Variants in DCAF10 observed in about 807,000 individuals in gnomAD.
DCAF10 encodes DDB1- and CUL4-associated factor 10.
In DCAF10, 19 loss-of-function variants were observed where a neutral mutation model predicts 51.9. The ratio of observed to expected loss-of-function variants is 0.37; its 90% CI spans 0.26 to 0.54. DCAF10 has a LOEUF of 0.54. Among genes scored for constraint, DCAF10 ranks in the 20% least tolerant of loss-of-function variants. The pLI, the probability that DCAF10 is intolerant of heterozygous loss-of-function variation, is 0.87. For missense variants in DCAF10, 510 were observed against 730.6 expected, an observed-to-expected ratio of 0.70 and a Z score of 3.48; for synonymous variants, 291 against 297.1, an observed-to-expected ratio of 0.98 and a Z score of 0.21.
chr9:37,834,404 C>A (rs528691705), intron 2 of DCAF10, among the ~76,000 whole-genome samples: 4 of 152,208 alleles, frequency 2.6e-5, no homozygotes, highest in African/African-American at 9.6e-5. Context: ...TTATATTTTT[C>A]TATATTTTTG....
intron 2 of DCAF10, among the ~76,000 whole-genome samples, chr9:37,830,012 AAAG>A (rs1829962307): frequency 6.6e-6 from 1 of 152,148 alleles, no homozygotes; most frequent in Non-Finnish European, 1.5e-5. Context: ...CTTAAAGAAT[AAAG>A]AAGAAGAAGA....
chr9:37,808,642 A>ATAAATATAT (rs1829213439), intron 1 of DCAF10, among the ~76,000 whole-genome samples: 1 of 99,832 alleles, frequency 1.0e-5, no homozygotes, highest in African/African-American at 4.2e-5. Context: ...TAATATAAAA[A>ATAAATATAT]TATATAATAT....
chr9:37,826,167 T>G (rs961029336), intron 2 of DCAF10, among the ~76,000 whole-genome samples: 1 of 150,832 alleles, frequency 6.6e-6, no homozygotes. Context: ...AAGGGATTAA[T>G]GCCCAGAATA....
At chr9:37,822,054 A>G (rs1829718814) in intron 2 of DCAF10, among the ~76,000 whole-genome samples, 1 of 152,222 alleles carries the variant, frequency 6.6e-6, no homozygotes, top group African/African-American at 2.4e-5. Flanking sequence ...ATGCAAATCA[A>G]AACCATAATG....
intron 1 of DCAF10, among the ~76,000 whole-genome samples, chr9:37,814,972 T>C (rs1829481803): frequency 6.6e-6 from 1 of 152,060 alleles, no homozygotes. Flanking sequence ...AAACAAAATA[T>C]TAGCCAACTG....
At position 37,852,131 on chromosome 9, in the gene DCAF10, G is replaced by C. The variant is rs990858117; in HGVS notation, c.852-2649G>C. On this transcript the variant is annotated intron_variant, in intron 3 of 6. Coordinates refer to ENST00000377724, the MANE Select transcript of DCAF10 (RefSeq NM_024345.5). ...GAAATTGCAGTACTCTAAAGACAGA[G>C]AGAAGATTCACCAGAGGGGGGAAAA... is the stretch of plus-strand genomic sequence containing the variant. 1.4e-4 allele frequency among the ~76,000 whole-genome samples: 21 copies of C among 152,064 alleles called. 1 individual carries two copies. The highest frequency in any genetic ancestry group is 5.1e-4 in the African/African-American group (21 of 41,420).
chr9:37,838,822 T>C (rs1279137387), intron 2 of DCAF10, among the ~76,000 whole-genome samples: 1 of 150,568 alleles, frequency 6.6e-6, no homozygotes, highest in Admixed American at 6.6e-5. Context: ...ATGTAGGAGG[T>C]AGAGGTTGCA....
rs77156731 is a variant in DCAF10 at position 37,807,773 on chromosome 9, C to T, written c.539+6368C>T. On this transcript the variant is annotated intron_variant, in intron 1 of 6. Coordinates refer to ENST00000377724, the MANE Select transcript of DCAF10 (RefSeq NM_024345.5). ...CAGCTCCCAGGTTCAAGCAATTCTC[C>T]TGCCTCAGCCTCCCAAGTAGCCGGG... 4.0e-5 allele frequency among the ~76,000 whole-genome samples: 6 copies of T among 150,264 alleles called. No individual in the cohort carries two copies. The East Asian group carries it at 1.2e-3, about 30-fold the overall frequency.
chr9:37,848,745 G>A (rs996589695), intron 3 of DCAF10, among the ~76,000 whole-genome samples: 27 of 152,092 alleles, frequency 1.8e-4, no homozygotes, highest in African/African-American at 5.8e-4. Context: ...GCCGAGGGAG[G>A]GTGGATCACC....
At chr9:37,800,788 G>A (rs1411965572), upstream of DCAF10, 5 of 1,516,512 alleles carry the variant, frequency 3.3e-6, no homozygotes, top group Non-Finnish European at 4.4e-6. Flanking sequence ...GCTGCACGCC[G>A]GAAGTGGCAG....
intron 2 of DCAF10, among the ~76,000 whole-genome samples, chr9:37,830,296 C>T: frequency 6.6e-6 from 1 of 152,152 alleles, no homozygotes; most frequent in East Asian, 1.9e-4. Context: ...ATACCATTTA[C>T]ATAAAATTTG....
At chr9:37,855,407 T>C (rs1478430804) in intron 4 of DCAF10, among the ~76,000 whole-genome samples, 1 of 152,238 alleles carries the variant, frequency 6.6e-6, no homozygotes, top group East Asian at 1.9e-4. Flanking sequence ...GACTTACAGA[T>C]GTCCAGACAC....
intron 5 of DCAF10, among the ~76,000 whole-genome samples, chr9:37,857,681 G>A (rs1554690724): frequency 1.2e-4 from 18 of 152,310 alleles, no homozygotes; most frequent in Non-Finnish European, 5.9e-5. Context: ...TGAAAGCTCT[G>A]TATAAATATA....
intron 4 of DCAF10, 84 bp downstream of exon 4, chr9:37,855,066 T>A (rs904980969): frequency 3.0e-6 from 4 of 1,325,914 alleles, no homozygotes; most frequent in Non-Finnish European, 4.1e-6. Context: ...CTGAAAATGA[T>A]AGCAGGAAAA....
At chr9:37,818,171 T>C (rs753886323) in intron 1 of DCAF10, among the ~76,000 whole-genome samples, 50 of 152,142 alleles carry the variant, frequency 3.3e-4, no homozygotes, top group Non-Finnish European at 6.3e-4. Context: ...ATTTTTTGAA[T>C]TTTTAGTAGA....
At chr9:37,823,385 A>G (rs570797060) in intron 2 of DCAF10, among the ~76,000 whole-genome samples, 8 of 152,334 alleles carry the variant, frequency 5.3e-5, no homozygotes, top group African/African-American at 1.9e-4. Flanking sequence ...AAGCCAGATT[A>G]CCTACAGAAG....
At chr9:37,816,659 G>GGGGGGTGTGT (rs372664140) in intron 1 of DCAF10, among the ~76,000 whole-genome samples, 13 of 144,890 alleles carry the variant, frequency 9.0e-5, no homozygotes, top group South Asian at 2.2e-4. Context: ...CTGCACCTGG[G>GGGGGGTGTGT]GTGTGTGTGT....
intron 2 of DCAF10, among the ~76,000 whole-genome samples, chr9:37,820,489 A>G (rs1488000816): frequency 6.6e-6 from 1 of 152,226 alleles, no homozygotes; most frequent in Non-Finnish European, 1.5e-5. Flanking sequence ...TATTTATGAA[A>G]GGCTGAAAAG....
At chr9:37,836,320 A>T (rs748304003) in intron 2 of DCAF10, 256 of 1,608,910 alleles carry the variant, frequency 1.6e-4, no homozygotes, top group Non-Finnish European at 3.3e-5. Context: ...ACAAAGACAC[A>T]ATTAGAACAG....
Sources: gnomAD v4.1 joint callset for allele counts (sites outside exome capture counted in the v4.1 genomes callset) on GRCh38, gnomAD v4.1.1 for gene constraint, MANE v1.5 for transcripts, NCBI Gene and HGNC (gene_info 2026-07-23, HGNC 2026-07-21) for gene names.